Variants in TMPO observed in about 807,000 individuals in gnomAD.
TMPO encodes thymopoietin.
Under a neutral mutation model 45.4 loss-of-function variants are expected in TMPO, and 22 were observed. The ratio of observed to expected loss-of-function variants is 0.48; its 90% CI spans 0.35 to 0.69. TMPO has a LOEUF of 0.69. TMPO is among the 30% of genes least tolerant of loss of function. The probability of loss-of-function intolerance (pLI) is 0.01; values close to 1 mark genes in which losing one functional copy is unlikely to be tolerated. For synonymous variants in TMPO, 241 were observed against 204.1 expected (o/e 1.18, Z -1.54); for missense variants, 512 against 548.8 (o/e 0.93, Z 0.67).
At chr12:98,527,708 T>A in intron 1 of TMPO, 178 bp from the exon 2 acceptor site, 1 of 647,150 alleles carries the variant, frequency 1.5e-6, no homozygotes, top group Non-Finnish European at 2.6e-6. Context: ...ATGATTACAG[T>A]TCAACTTAGA....
chr12:98,528,369 C>T (rs111529998), intron 2 of TMPO, among the ~76,000 whole-genome samples: 9,689 of 151,704 alleles, frequency 0.064, 399 homozygotes, highest in African/African-American at 0.11. Flanking sequence ...CTCTGCCTCC[C>T]GGGTTCATGC....
rs780907463 is a variant in TMPO at position 98,516,056 on chromosome 12, G to T, written c.189G>T (p.Pro63=). The T allele has an allele frequency of 5.6e-6, 9 of 1,610,188 alleles. No individual in the cohort carries two copies. In the South Asian group the frequency reaches 7.7e-5, roughly 14 times the overall value. The change falls in exon 1 of 9, where the codon CCG becomes CCT. Residue 63 remains proline (P), a synonymous_variant. Coordinates refer to ENST00000556029, the MANE Select transcript of TMPO (RefSeq NM_001032283.3). Reference sequence around the variant, plus strand: ...CCGGCACCAACAGCAAGGGGCCCCCGGACTTCTCCAGTGACGAAGAGCGCG... The same window carrying T: ...CCGGCACCAACAGCAAGGGGCCCCCTGACTTCTCCAGTGACGAAGAGCGCG... ...LPAGTNSKGP[P]DFSSDEEREP... is the part of the protein sequence containing the mutation.
chr12:98,521,942 G>A (rs1357607057), intron 1 of TMPO, among the ~76,000 whole-genome samples: 2 of 152,014 alleles, frequency 1.3e-5, no homozygotes, highest in Non-Finnish European at 2.9e-5. Context: ...TGGTCAGGCC[G>A]GTCTCAAACT....
At chr12:98,543,497 G>A (rs992536466) in intron 4 of TMPO, among the ~76,000 whole-genome samples, 6 of 152,168 alleles carry the variant, frequency 3.9e-5, no homozygotes, top group Non-Finnish European at 7.3e-5. Flanking sequence ...AGAAATGCTG[G>A]ATTCTTTAAA....
intron 7 of TMPO, 55 bp from the exon 8 acceptor site, chr12:98,546,304 G>A: frequency 8.8e-7 from 1 of 1,134,782 alleles, no homozygotes; most frequent in Non-Finnish European, 1.3e-6. Context: ...TTTAATTATT[G>A]CATGTTTACA....
chr12:98,548,006 T>G lies in TMPO; in HGVS notation c.*148T>G. The G allele has an allele frequency of 1.1e-6, 1 of 887,674 alleles. No homozygotes were observed. The highest frequency in any genetic ancestry group is 1.7e-6 in the Non-Finnish European group (1 of 586,850). The allele number at this position is 887,674 out of a possible 1,614,324, so 55.0% of individuals were successfully genotyped here. On this transcript the variant is annotated 3_prime_UTR_variant, in exon 9 of 9. Transcript: ENST00000556029. ...ATTTCATTGAAAAGCAAACAAAATA[T>G]ATATAAATGGACTTCATTAAAATGT...
intron 4 of TMPO, 115 bp from the exon 5 acceptor site, chr12:98,544,115 G>T (rs564340236): frequency 8.6e-7 from 1 of 1,160,902 alleles, no homozygotes; most frequent in Non-Finnish European, 1.3e-6. Flanking sequence ...AGCCTTGTTT[G>T]TAAATGCTGG....
chr12:98,529,379 A>G (rs1877022452), intron 2 of TMPO, among the ~76,000 whole-genome samples: 1 of 151,900 alleles, frequency 6.6e-6, no homozygotes, highest in African/African-American at 2.4e-5. Flanking sequence ...CATTAAAAGT[A>G]CCCTTTTGAA....
intron 2 of TMPO, among the ~76,000 whole-genome samples, chr12:98,529,161 C>G (rs1172316878): frequency 1.3e-5 from 2 of 150,982 alleles, no homozygotes; most frequent in Admixed American, 1.3e-4. Flanking sequence ...TCAAGCAGTT[C>G]TCCAGCCTCA....
Position 98,515,799 on chromosome 12 carries a change from A to C in TMPO, c.-69A>C, listed in dbSNP as rs1592923839. 2 of 1,561,294 alleles carry C rather than the reference A, an allele frequency of 1.3e-6. No individual in the cohort carries two copies. The highest frequency in any genetic ancestry group is 2.4e-5 in the East Asian group (1 of 41,140). On this transcript the variant is annotated 5_prime_UTR_variant, in exon 1 of 9. Coordinates refer to ENST00000556029, the MANE Select transcript of TMPO (RefSeq NM_001032283.3). ...GGAGGCGGCAGCGCGGTCCCCGGCC[A>C]GGAGCAAGCGCGCCGGCGTGAGCGG...
At chr12:98,544,863 T>C (rs953232489) in intron 6 of TMPO, 88 bp from the exon 7 acceptor site, 3 of 1,111,596 alleles carry the variant, frequency 2.7e-6, no homozygotes, top group Non-Finnish European at 4.1e-6. Flanking sequence ...ATTTCTAATA[T>C]TACAGAGATA....
chr12:98,539,154 C>T lies in TMPO; in HGVS notation c.663+1582C>T, dbSNP rs543413652. Among the ~76,000 whole-genome samples, 17 of 152,006 alleles carry T rather than the reference C, an allele frequency of 1.1e-4. No homozygotes were observed. The East Asian group carries it at 2.7e-3, about 24-fold the overall frequency. ...GGCGGAGGTTGCTGTGAGCCGAGAT[C>T]GCGCCATTGCACTCTAGCCTGGGCA... is the stretch of plus-strand genomic sequence containing the variant. On this transcript the variant is annotated intron_variant, in intron 4 of 8. Transcript: ENST00000556029.
At chr12:98,523,960 T>C (rs1343866660) in intron 1 of TMPO, among the ~76,000 whole-genome samples, 5 of 152,238 alleles carry the variant, frequency 3.3e-5, no homozygotes, top group Non-Finnish European at 7.3e-5. Flanking sequence ...ATTACAGACA[T>C]GAGCCACTGC....
At chr12:98,544,609 G>A in intron 6 of TMPO, 72 bp downstream of exon 6, 1 of 1,254,088 alleles carries the variant, frequency 8.0e-7, no homozygotes, top group Non-Finnish European at 1.1e-6. Flanking sequence ...TGGGGAGGTG[G>A]TGAATTTTGG....
chr12:98,522,581 G>A (rs1479216947), intron 1 of TMPO, among the ~76,000 whole-genome samples: 1 of 152,178 alleles, frequency 6.6e-6, no homozygotes, highest in Middle Eastern at 3.2e-3. Context: ...TCAGATTGAG[G>A]AGTACATGCC....
intron 2 of TMPO, among the ~76,000 whole-genome samples, chr12:98,530,502 C>T (rs35207802): frequency 0.098 from 11,410 of 116,198 alleles, 668 homozygotes; most frequent in East Asian, 0.26. Context: ...TCATTTTGCT[C>T]ATCTTACCAG....
chr12:98,547,527 C>A, intron 8 of TMPO, 46 bp from the exon 9 acceptor site: 1 of 1,608,592 alleles, frequency 6.2e-7, no homozygotes, highest in Non-Finnish European at 8.5e-7. Flanking sequence ...CTAAATCATG[C>A]CTTTATCTAA....
intron 4 of TMPO, among the ~76,000 whole-genome samples, chr12:98,542,095 A>T (rs962560155): frequency 1.3e-5 from 2 of 152,202 alleles, no homozygotes; most frequent in African/African-American, 4.8e-5. Flanking sequence ...AGGATGAACC[A>T]TGGAGCAGCA....
chr12:98,541,014 T>A (rs1877884296), intron 4 of TMPO, among the ~76,000 whole-genome samples: 1 of 151,928 alleles, frequency 6.6e-6, no homozygotes, highest in Admixed American at 6.5e-5. Flanking sequence ...TTTTATGTAT[T>A]GAATTTATGA....
Sources: allele counts gnomAD v4.1 joint callset (sites outside exome capture counted in the v4.1 genomes callset), GRCh38; gene constraint gnomAD v4.1.1; transcripts MANE v1.5; gene names NCBI Gene and HGNC (gene_info 2026-07-23, HGNC 2026-07-21).